The following KIR3DL2 variants were observed in gnomAD, a reference collection of about 807,000 sequenced individuals.
KIR3DL2 encodes killer cell immunoglobulin like receptor, three Ig domains and long cytoplasmic tail 2, also known as killer cell immunoglobulin-like receptor 3DL2.
In KIR3DL2, 42 loss-of-function variants were observed where a neutral mutation model predicts 41.6. The observed-to-expected ratio is 1.01, with a 90% CI of 0.79 to 1.31. The LOEUF (loss-of-function observed/expected upper bound fraction) is 1.31. Among genes scored for constraint, KIR3DL2 ranks in the 50% most tolerant of loss-of-function variants. KIR3DL2 has a pLI of 0.00. For missense variants in KIR3DL2, 728 were observed against 576.8 expected (o/e 1.26, Z -2.68); for synonymous variants, 230 against 221.3 (o/e 1.04, Z -0.35).
chr19:54,860,288 G>C (rs1379693068), intron 6 of KIR3DL2, among the ~76,000 whole-genome samples: 3 of 152,030 alleles, frequency 2.0e-5, no homozygotes, highest in Non-Finnish European at 4.4e-5. Context: ...TAAATGGGAG[G>C]GCAGAAAATG....
At chr19:54,862,185 G>GT (rs2065223482) in intron 6 of KIR3DL2, among the ~76,000 whole-genome samples, 1 of 151,734 alleles carries the variant, frequency 6.6e-6, no homozygotes, top group Non-Finnish European at 1.5e-5. Flanking sequence ...AGAGTAGCAC[G>GT]TTTCACATGG....
At chr19:54,865,738 A>C in intron 6 of KIR3DL2, 67 bp from the exon 7 acceptor site, 1 of 1,395,652 alleles carries the variant, frequency 7.2e-7, no homozygotes, top group Non-Finnish European at 1.0e-6. Flanking sequence ...GTCAATCAAG[A>C]AATGAGACAA....
rs1489325968 is a variant in KIR3DL2 at position 54,865,726 on chromosome 19, C to G, written c.1001-79C>G. 4.7e-6 allele frequency: 6 copies of G among 1,269,050 alleles called. No homozygotes were observed. In the African/African-American group the frequency reaches 8.8e-5, roughly 19 times the overall value. 78.6% of individuals were successfully genotyped at this position (1,269,050 alleles called of 1,614,324 possible). A position where few individuals can be genotyped will look rare whatever the true frequency, so the allele number is the denominator to read the frequency against. On this transcript the variant is annotated intron_variant, in intron 6 of 8. Coordinates refer to ENST00000326321, the MANE Select transcript of KIR3DL2 (RefSeq NM_006737.4). Reference sequence around the variant, plus strand: ...CTAAGGAGATGTTCCATGTGGTTACCTGTCAATCAAGAAATGAGACAATCC... The same window carrying G: ...CTAAGGAGATGTTCCATGTGGTTACGTGTCAATCAAGAAATGAGACAATCC...
At chr19:54,863,767 G>A (rs911211754) in intron 6 of KIR3DL2, among the ~76,000 whole-genome samples, 75 of 152,100 alleles carry the variant, frequency 4.9e-4, no homozygotes, top group Middle Eastern at 3.4e-3. Flanking sequence ...CCCTTTGTCA[G>A]ATGAGTAGGT....
chr19:54,857,879 G>A (rs1601783636), intron 5 of KIR3DL2, among the ~76,000 whole-genome samples: 1 of 151,784 alleles, frequency 6.6e-6, no homozygotes, highest in Admixed American at 6.5e-5. Flanking sequence ...AACTCATCGC[G>A]ATTGTAATTT....
At chr19:54,854,163 C>T in intron 4 of KIR3DL2, 117 bp downstream of exon 4, 1 of 1,287,414 alleles carries the variant, frequency 7.8e-7, no homozygotes. Flanking sequence ...TGGAGAGAGA[C>T]TGACTCGGTG....
At chr19:54,858,085 C>T (rs2064922958) in intron 5 of KIR3DL2, among the ~76,000 whole-genome samples, 3 of 151,486 alleles carry the variant, frequency 2.0e-5, no homozygotes, top group African/African-American at 7.3e-5. Context: ...AATATTTGCT[C>T]CTATTTTGTG....
intron 5 of KIR3DL2, among the ~76,000 whole-genome samples, chr19:54,858,146 G>A (rs1211653290): frequency 1.3e-5 from 2 of 151,032 alleles, no homozygotes; most frequent in Non-Finnish European, 2.9e-5. Flanking sequence ...GAAGTTGCTT[G>A]GTTTGATGTA....
chr19:54,856,590 A>G lies in KIR3DL2; in HGVS notation c.949+678A>G, dbSNP rs1174989584. Among the ~76,000 whole-genome samples, 8 of 152,150 alleles carry G rather than the reference A, an allele frequency of 5.3e-5. No homozygotes were observed. In the East Asian group the frequency reaches 1.5e-3, roughly 29 times the overall value. Reference sequence around the variant, plus strand: ...TCCTAGCTACTTGGGAGGCTGAGGCAGGAGAAGCACTTAAAGCCAGGAGGC... The same window carrying G: ...TCCTAGCTACTTGGGAGGCTGAGGCGGGAGAAGCACTTAAAGCCAGGAGGC... On this transcript the variant is annotated intron_variant, in intron 5 of 8. Transcript: ENST00000326321.
chr19:54,854,773 G>C (rs1305083798), intron 4 of KIR3DL2, among the ~76,000 whole-genome samples: 1 of 151,848 alleles, frequency 6.6e-6, no homozygotes, highest in East Asian at 1.9e-4. Flanking sequence ...GGGCAGAGGA[G>C]TGGAGAGAAT....
intron 6 of KIR3DL2, among the ~76,000 whole-genome samples, chr19:54,864,974 G>A (rs1192962786): frequency 5.9e-5 from 9 of 152,066 alleles, no homozygotes. Flanking sequence ...TGCCCATTCA[G>A]TATGATACTG....
intron 4 of KIR3DL2, 129 bp downstream of exon 4, chr19:54,854,175 G>C: frequency 8.5e-7 from 1 of 1,169,614 alleles, no homozygotes; most frequent in Non-Finnish European, 1.3e-6. Flanking sequence ...GACTCGGTGA[G>C]GTCTGTACCA....
chr19:54,857,898 G>T (rs759027056), intron 5 of KIR3DL2, among the ~76,000 whole-genome samples: 1 of 151,802 alleles, frequency 6.6e-6, no homozygotes, highest in Non-Finnish European at 1.5e-5. Flanking sequence ...TTACATTTCT[G>T]TGATGATGAG....
chr19:54,866,106 G>A (rs1362099214), intron 7 of KIR3DL2, among the ~76,000 whole-genome samples, 197 bp downstream of exon 7: 1 of 152,062 alleles, frequency 6.6e-6, no homozygotes. Context: ...GTTCTGAACT[G>A]TATCCTCACA....
rs759033882 is a variant in KIR3DL2, at chr19:54,856,162, A to G, written c.949+250A>G. 9.8e-4 allele frequency among the ~76,000 whole-genome samples: 148 copies of G among 151,422 alleles called. 2 individuals carry two copies. Among genetic ancestry groups the G allele is most frequent in the Non-Finnish European group, 1.8e-3 (120 of 67,916 alleles). Reference sequence around the variant, plus strand: ...GAAAGCGGTCAGGACAGACCCAGAGAAGGGGAGACTGGGCTCAGTTTGGGG... The same window carrying G: ...GAAAGCGGTCAGGACAGACCCAGAGGAGGGGAGACTGGGCTCAGTTTGGGG... On this transcript the variant is annotated intron_variant, in intron 5 of 8. Transcript: ENST00000326321.
In KIR3DL2 at chr19:54,852,245, G is replaced by T. The variant is rs772102990; in HGVS notation, c.318G>T (p.Trp106Cys). The change falls in exon 3 of 9, where the codon TGG (tryptophan) becomes TGT (cysteine). Residue 106 changes from tryptophan (W) to cysteine (C), a missense_variant. Coordinates refer to ENST00000326321, the MANE Select transcript of KIR3DL2 (RefSeq NM_006737.4). Reference protein sequence around the residue: ...RGSRPHSLTGWSAPSNPLVIM... With the variant: ...RGSRPHSLTGCSAPSNPLVIM... The stretch of plus-strand genomic sequence containing the variant: ...CACGCCCACACTCCCTCACTGGGTG[G>T]TCGGCACCCAGCAACCCCCTGGTGA... The T allele has an allele frequency of 1.2e-6, 2 of 1,610,606 alleles. No individual in the cohort carries two copies. The highest frequency in any genetic ancestry group is 1.7e-6 in the Non-Finnish European group (2 of 1,178,350).
chr19:54,862,781 A>G (rs150828004), intron 6 of KIR3DL2, among the ~76,000 whole-genome samples: 307 of 148,118 alleles, frequency 2.1e-3, no homozygotes, highest in African/African-American at 7.1e-3. Flanking sequence ...CTATAAAAGA[A>G]CACTTGAGCC....
chr19:54,860,595 A>T (rs1205148201), intron 6 of KIR3DL2, among the ~76,000 whole-genome samples: 1 of 151,924 alleles, frequency 6.6e-6, no homozygotes, highest in Non-Finnish European at 1.5e-5. Flanking sequence ...GGCTGGTCTC[A>T]AATTCCCAAC....
chr19:54,853,919 C>T lies in KIR3DL2; in HGVS notation c.528C>T (p.Ser176=). Residue 176 remains serine, a synonymous_variant, in exon 4 of 9, where the codon TCC becomes TCT. Coordinates refer to ENST00000326321, the MANE Select transcript of KIR3DL2 (RefSeq NM_006737.4). The part of the protein sequence containing the change: ...RLVGQIHDGV[S]KANFSIGPLM... ...TTGGACAGATCCATGATGGGGTCTC[C>T]AAGGCCAACTTCTCCATCGGTCCCT... 1 of 1,613,394 alleles carries T rather than the reference C, an allele frequency of 6.2e-7. No individual in the cohort carries two copies. Among genetic ancestry groups the T allele is most frequent in the Non-Finnish European group, 8.5e-7 (1 of 1,179,854 alleles).
Sources: allele counts gnomAD v4.1 joint callset (sites outside exome capture counted in the v4.1 genomes callset), GRCh38; gene constraint gnomAD v4.1.1; transcripts MANE v1.5; gene names NCBI Gene and HGNC (gene_info 2026-07-23, HGNC 2026-07-21).